TMTC4: variants seen among roughly 807,000 people sequenced by gnomAD.
TMTC4 encodes the protein transmembrane O-mannosyltransferase targeting cadherins 4, also known as protein O-mannosyl-transferase TMTC4.
Under a neutral mutation model 86.0 loss-of-function variants are expected in TMTC4, and 65 were observed. The ratio of observed to expected loss-of-function variants is 0.76; its 90% CI spans 0.62 to 0.93. TMTC4 has a LOEUF of 0.93. Among genes scored for constraint, TMTC4 ranks in the 40% least tolerant of loss-of-function variants. The pLI is 0.00. For missense variants in TMTC4, 866 were observed against 948.1 expected (o/e 0.91, Z 1.14); for synonymous variants, 379 against 382.5 (o/e 0.99, Z 0.11).
At chr13:100,650,417 G>A (rs1330247468) in intron 6 of TMTC4, among the ~76,000 whole-genome samples, 1 of 152,216 alleles carries the variant, frequency 6.6e-6, no homozygotes, top group African/African-American at 2.4e-5. Flanking sequence ...CTCGGATTTG[G>A]CACTCCTTTC....
At chr13:100,640,459 A>G (rs1882867354) in intron 7 of TMTC4, among the ~76,000 whole-genome samples, 1 of 152,234 alleles carries the variant, frequency 6.6e-6, no homozygotes, top group South Asian at 2.1e-4. Flanking sequence ...CTTAATAGAT[A>G]CAACCTAATA....
chr13:100,667,465 A>C (rs943779113), intron 3 of TMTC4, among the ~76,000 whole-genome samples: 1 of 152,168 alleles, frequency 6.6e-6, no homozygotes. Flanking sequence ...TTAAAACATT[A>C]AAAATGATCT....
At chr13:100,662,847 C>T (rs761998287) in intron 5 of TMTC4, 117 bp downstream of exon 5, 24 of 1,055,542 alleles carry the variant, frequency 2.3e-5, no homozygotes, top group Non-Finnish European at 3.4e-5. Context: ...TAGACTTTCT[C>T]CAGCTCTGGA....
intron 17 of TMTC4, among the ~76,000 whole-genome samples, chr13:100,606,878 C>T (rs146909320): frequency 5.8e-4 from 89 of 152,250 alleles, no homozygotes; most frequent in African/African-American, 2.0e-3. Context: ...CAGAAGCAGC[C>T]CCATCCATCT....
At chr13:100,623,957 G>T in intron 15 of TMTC4, 2 of 446,396 alleles carry the variant, frequency 4.5e-6, no homozygotes, top group East Asian at 7.2e-5. Context: ...GTAGTACATT[G>T]TATGGGTCCA....
Position 100,606,415 on chromosome 13 carries a change from A to C in TMTC4, c.2077T>G (p.Leu693Val). 1 of 1,612,870 alleles carries C rather than the reference A, an allele frequency of 6.2e-7. No homozygotes were observed. The highest frequency in any genetic ancestry group is 8.5e-7 in the Non-Finnish European group (1 of 1,179,498). The change falls in exon 18 of 19, where the codon TTA becomes GTA. Residue 693 changes from leucine to valine, a missense_variant. By Grantham distance (32) the Leu-to-Val change is conservative (BLOSUM62 1). Transcript: ENST00000342624. ...TTTGCTTTAATTGCCTTGAGGAATA[A>C]AGCTTCAGATTCCTAAAAAATGAGA... is the stretch of plus-strand genomic sequence containing the variant. ...KSQKYKESEALFLKAIKANPN... is the reference protein window; with the variant it reads ...KSQKYKESEAVFLKAIKANPN...
At chr13:100,656,284 TCA>T (rs1470949817) in intron 6 of TMTC4, 95 bp downstream of exon 6, 1 of 1,020,004 alleles carries the variant, frequency 9.8e-7, no homozygotes, top group Admixed American at 2.5e-5. Flanking sequence ...AGTGACACAC[TCA>T]CATAGATGGA....
rs930476934 is a variant in TMTC4 at position 100,627,603 on chromosome 13, C to T, written c.1507-1453G>A. Among the ~76,000 whole-genome samples, 5 of 152,322 alleles carry T rather than the reference C, an allele frequency of 3.3e-5. 1 individual carries two copies. Among genetic ancestry groups the T allele is most frequent in the Admixed American group, 2.6e-4 (4 of 15,302 alleles). On this transcript the variant is annotated intron_variant, in intron 12 of 18. Coordinates refer to ENST00000342624, the MANE Select transcript of TMTC4 (RefSeq NM_032813.5). ...TCCTGTCTTAAAAGGACACCAGTCACACTGGATTAAGGGCCCACCATCCTC... is the reference window on the plus strand; with the variant it reads ...TCCTGTCTTAAAAGGACACCAGTCATACTGGATTAAGGGCCCACCATCCTC...
rs1207310392 is a variant in TMTC4 at position 100,625,859 on chromosome 13, A to G, written c.1620T>C (p.Asn540=). The change falls in exon 14 of 19, where the codon AAT becomes AAC. Residue 540 remains asparagine (N), a synonymous_variant. Transcript: ENST00000342624. ...TCCTTTCTTTTAAGATATTTCCAAG[A>G]TTATTCATGGCATGAACATACTTGG... ...LNPKYVHAMN[N]LGNILKERNE... The G allele has an allele frequency of 1.5e-5, 24 of 1,613,668 alleles. No individual in the cohort carries two copies. Among genetic ancestry groups the G allele is most frequent in the Non-Finnish European group, 1.9e-5 (23 of 1,180,020 alleles).
intron 15 of TMTC4, chr13:100,624,503 T>G (rs565333138): frequency 6.5e-6 from 1 of 153,260 alleles, no homozygotes; most frequent in East Asian, 1.9e-4. Context: ...GACAAGCAGC[T>G]AAGGGAACTA....
chr13:100,643,594 T>TTTA, intron 6 of TMTC4, among the ~76,000 whole-genome samples: 1 of 152,212 alleles, frequency 6.6e-6, no homozygotes, highest in South Asian at 2.1e-4. Flanking sequence ...AATGAAGAAT[T>TTTA]GGGGTAGAGG....
intron 4 of TMTC4, among the ~76,000 whole-genome samples, chr13:100,663,768 G>A (rs1428291345): frequency 6.6e-6 from 1 of 152,174 alleles, no homozygotes; most frequent in African/African-American, 2.4e-5. Context: ...GTATGGACGA[G>A]AACCTTTGTG....
In TMTC4 at chr13:100,656,362, A is replaced by C. The variant is rs778468423; in HGVS notation, c.640+19T>G. On this transcript the variant is annotated intron_variant, in intron 6 of 18. Transcript: ENST00000342624. ...ACATGAAGAAGGTGGAAAATTAAGA[A>C]GGCAAACAGAATGCTTACTTTCTCT... The C allele has an allele frequency of 4.4e-6, 7 of 1,598,944 alleles. No individual in the cohort carries two copies. In the South Asian group the frequency reaches 4.5e-5, roughly 10 times the overall value.
intron 6 of TMTC4, among the ~76,000 whole-genome samples, chr13:100,651,744 TG>T (rs1884473295): frequency 1.3e-5 from 2 of 152,216 alleles, no homozygotes; most frequent in Admixed American, 1.3e-4. Flanking sequence ...CTTAATTTTT[TG>T]TTCCCTTATA....
At chr13:100,632,516 G>T (rs537051611) in intron 12 of TMTC4, among the ~76,000 whole-genome samples, 13 of 152,248 alleles carry the variant, frequency 8.5e-5, no homozygotes, top group African/African-American at 2.4e-4. Context: ...TAACGTTTAA[G>T]AAATTAAATC....
rs1882271583 is a variant in TMTC4, at chr13:100,636,725, A to G, written c.1009T>C (p.Tyr337His). 2 of 1,613,990 alleles carry G rather than the reference A, an allele frequency of 1.2e-6. No individual in the cohort carries two copies. The highest frequency in any genetic ancestry group is 2.2e-5 in the South Asian group (2 of 91,076). The change falls in exon 10 of 19, where the codon TAC (tyrosine) becomes CAC (histidine). Residue 337 changes from tyrosine (Y) to histidine (H), a missense_variant. Physicochemically the swap from Tyr to His is moderately conservative, Grantham distance 83. Coordinates refer to ENST00000342624, the MANE Select transcript of TMTC4 (RefSeq NM_032813.5). Reference sequence around the variant, plus strand: ...GCATTCAATGAATAGTAGTAATTGTAGTTTACGGCCTGCCAGTCAAAAGGA... The same window carrying G: ...GCATTCAATGAATAGTAGTAATTGTGGTTTACGGCCTGCCAGTCAAAAGGA... ...ADSMLVRAVN[Y>H]NYYYSLNAWL... is the part of the protein sequence containing the mutation.
intron 16 of TMTC4, among the ~76,000 whole-genome samples, chr13:100,613,846 C>G (rs950990927): frequency 5.7e-5 from 8 of 140,038 alleles, no homozygotes; most frequent in Non-Finnish European, 9.4e-5. Flanking sequence ...CCCGCCCCCC[C>G]CTTTTTTTTT....
At chr13:100,635,954 CTTAA>C (rs1487378288) in intron 10 of TMTC4, among the ~76,000 whole-genome samples, 12 of 152,192 alleles carry the variant, frequency 7.9e-5, no homozygotes. Context: ...AAACTTAAAA[CTTAA>C]TTTATTTTGA....
At chr13:100,651,496 C>CAAAAAA (rs58783020) in intron 6 of TMTC4, among the ~76,000 whole-genome samples, 1 of 73,056 alleles carries the variant, frequency 1.4e-5, no homozygotes, top group African/African-American at 5.1e-5. Context: ...ATTTATGCAC[C>CAAAAAA]AAAAAAAAAA....
Sources: allele counts gnomAD v4.1 joint callset (sites outside exome capture counted in the v4.1 genomes callset), GRCh38; gene constraint gnomAD v4.1.1; transcripts MANE v1.5; gene names NCBI Gene and HGNC (gene_info 2026-07-23, HGNC 2026-07-21).